Variants in CCDC66 observed in about 807,000 individuals in gnomAD.
The protein encoded by CCDC66 is coiled-coil domain-containing protein 66.
A neutral mutation model predicts 128.3 loss-of-function variants in CCDC66; 133 were observed. The ratio of observed to expected loss-of-function variants is 1.04; its 90% confidence interval spans 0.90 to 1.20. The LOEUF is 1.20. Ranked by LOEUF, CCDC66 falls within the 50% of genes most tolerant of loss-of-function variation. The pLI is 0.00. For missense variants in CCDC66, 1,126 were observed against 1,075.5 expected (o/e 1.05, Z -0.66); for synonymous variants, 387 against 357.0 (o/e 1.08, Z -0.95).
At chr3:56,570,160 C>T (rs1038937468) in intron 6 of CCDC66, 8 of 152,222 alleles carry the variant, frequency 5.3e-5, no homozygotes, top group Non-Finnish European at 1.2e-4. Context: ...TTTTAAAAAT[C>T]AGTTTACTGT....
intron 15 of CCDC66, 109 bp from the exon 16 acceptor site, chr3:56,619,162 C>T: frequency 2.1e-6 from 2 of 953,976 alleles, no homozygotes. Flanking sequence ...CCACTGCACT[C>T]CAGCCTGGGC....
At position 56,618,189 on chromosome 3, in the gene CCDC66, TATTC is replaced by T. The variant is rs1431003773; in HGVS notation, c.2365_2368del (p.Phe789AlafsTer12). 1.6e-5 allele frequency: 26 copies of T among 1,612,878 alleles called. No individual in the cohort carries two copies. Among genetic ancestry groups the T allele is most frequent in the South Asian group, 6.6e-5 (6 of 91,068 alleles). On this transcript the variant is annotated frameshift_variant, in exon 15 of 18. Transcript: ENST00000394672. LOFTEE classifies it high-confidence loss of function. The stretch of plus-strand genomic sequence containing the variant: ...TATTTTAGGAAGAAGAGCCTCTGAA[TATTC>T]ATTCATTCAGCAAGGAAAGGTAAGT...
intron 10 of CCDC66, among the ~76,000 whole-genome samples, chr3:56,611,501 C>T (rs1225917469): frequency 2.0e-5 from 3 of 151,216 alleles, no homozygotes; most frequent in African/African-American, 2.4e-5. Context: ...TCCCCAGCTG[C>T]GAAAGAAAAC....
intron 12 of CCDC66, 103 bp downstream of exon 12, chr3:56,615,375 G>T: frequency 8.6e-7 from 1 of 1,164,342 alleles, no homozygotes; most frequent in Non-Finnish European, 1.2e-6. Flanking sequence ...CTGTTGCACA[G>T]GCTAGAGTGC....
rs146892187 is a variant in CCDC66 at position 56,621,592 on chromosome 3, G to C, written c.2821G>C (p.Glu941Gln). 1.4e-5 allele frequency: 23 copies of C among 1,598,968 alleles called. No individual in the cohort carries two copies. In the East Asian group the frequency reaches 4.5e-4, roughly 31 times the overall value. Residue 941 changes from glutamate (E) to glutamine (Q), a missense_variant, in exon 18 of 18, where the codon GAA (glutamate) becomes CAA (glutamine). Transcript: ENST00000394672. The stretch of plus-strand genomic sequence containing the variant: ...TCTCCTGCCTTTAGCTGAAAATCAA[G>C]AAGAGAGTTTTGGTTCTTCATTTTA... ...SSLLPLAENQ[E>Q]ESFGSSF
intron 15 of CCDC66, chr3:56,618,679 A>G (rs1320727081): frequency 6.1e-6 from 1 of 163,392 alleles, no homozygotes; most frequent in East Asian, 1.8e-4. Context: ...TTTCATTCAA[A>G]TGGTGAGTAC....
chr3:56,571,308 A>T lies in CCDC66; in HGVS notation c.936+6A>T. ...AAATTCTTGACCAATCTAGGGTAAG[A>T]CATCTTAATTGCAATTTTTAAAATA... On this transcript the variant is annotated splice_donor_region_variant and intron_variant, in intron 7 of 17. Transcript: ENST00000394672. The T allele has an allele frequency of 6.7e-7, 1 of 1,484,016 alleles. No individual in the cohort carries two copies. Among genetic ancestry groups the T allele is most frequent in the Non-Finnish European group, 9.2e-7 (1 of 1,087,128 alleles). The allele number at this position is 1,484,016 out of a possible 1,614,324, so 91.9% of individuals were successfully genotyped here. A position where few individuals can be genotyped will look rare whatever the true frequency, so the allele number is the denominator to read the frequency against.
intron 7 of CCDC66, among the ~76,000 whole-genome samples, chr3:56,587,359 G>GGTTTAATAGGCTTATAAT (rs1345806409): frequency 6.6e-6 from 1 of 151,874 alleles, no homozygotes; most frequent in African/African-American, 2.4e-5. Context: ...AATTTATAAA[G>GGTTTAATAGGCTTATAAT]AGGTTTAATA....
intron 10 of CCDC66, among the ~76,000 whole-genome samples, chr3:56,612,722 T>C (rs1236794475): frequency 6.6e-6 from 1 of 152,010 alleles, no homozygotes; most frequent in African/African-American, 2.4e-5. Context: ...CCAGCTGTGA[T>C]GGTAATGGCA....
At chr3:56,590,489 A>T (rs2070679810) in intron 7 of CCDC66, among the ~76,000 whole-genome samples, 1 of 152,142 alleles carries the variant, frequency 6.6e-6, no homozygotes, top group Non-Finnish European at 1.5e-5. Context: ...CTGTCATGTG[A>T]GAATAGGCCA....
intron 10 of CCDC66, among the ~76,000 whole-genome samples, chr3:56,598,147 T>G (rs1296104672): frequency 8.6e-5 from 2 of 23,222 alleles, no homozygotes; most frequent in Non-Finnish European, 4.4e-4. Context: ...TTGTTTTGTT[T>G]TGTTTTGTTT....
chr3:56,597,805 C>A (rs143949226), intron 10 of CCDC66, among the ~76,000 whole-genome samples: 1 of 38,142 alleles, frequency 2.6e-5, no homozygotes, highest in African/African-American at 6.9e-5. Flanking sequence ...GACAGAGCCT[C>A]GCTCTGTTGC....
chr3:56,569,877 C>A (rs529971708), intron 6 of CCDC66: 1 of 152,186 alleles, frequency 6.6e-6, no homozygotes, highest in African/African-American at 2.4e-5. Flanking sequence ...TCTTGTTGCC[C>A]AAGCTGGAGT....
In CCDC66 at chr3:56,616,071, G is replaced by T; in HGVS notation, c.1843+18G>T. 1 of 1,571,600 alleles carries T rather than the reference G, an allele frequency of 6.4e-7. No individual in the cohort carries two copies. Among genetic ancestry groups the T allele is most frequent in the Non-Finnish European group, 8.6e-7 (1 of 1,163,124 alleles). On this transcript the variant is annotated intron_variant, in intron 13 of 17. Transcript: ENST00000394672. ...GCAAACAGGTATTTGTGTGGAAATT[G>T]TGGTTTGGTTTAAAATTTACTTAAA...
At chr3:56,614,947 A>G (rs1421296026) in intron 11 of CCDC66, among the ~76,000 whole-genome samples, 181 bp from the exon 12 acceptor site, 1 of 152,232 alleles carries the variant, frequency 6.6e-6, no homozygotes, top group Non-Finnish European at 1.5e-5. Context: ...ACAGCTGTAG[A>G]AAAAGATGTT....
intron 3 of CCDC66, chr3:56,561,343 C>G: frequency 2.2e-6 from 1 of 448,584 alleles, no homozygotes; most frequent in South Asian, 1.6e-5. Context: ...CCTTTATAGG[C>G]CTATAATAAA....
At chr3:56,614,789 A>G (rs1157075184) in intron 11 of CCDC66, among the ~76,000 whole-genome samples, 4 of 152,236 alleles carry the variant, frequency 2.6e-5, no homozygotes, top group Non-Finnish European at 5.9e-5. Context: ...GGAAATCAGT[A>G]AAGTATCATT....
chr3:56,596,050 T>C (rs900174108), intron 10 of CCDC66, among the ~76,000 whole-genome samples: 4 of 152,160 alleles, frequency 2.6e-5, no homozygotes, highest in African/African-American at 7.2e-5. Context: ...CAGTAGCTGA[T>C]ATTACAAGCA....
At chr3:56,563,576 AG>A in intron 3 of CCDC66, 107 bp from the exon 4 acceptor site, 1 of 814,572 alleles carries the variant, frequency 1.2e-6, no homozygotes, top group Non-Finnish European at 1.9e-6. Context: ...TTACCTAAAT[AG>A]CAAAATGGAA....
Sources: gnomAD v4.1 joint callset for allele counts (sites outside exome capture counted in the v4.1 genomes callset) on GRCh38, gnomAD v4.1.1 for gene constraint, MANE v1.5 for transcripts, NCBI Gene and HGNC (gene_info 2026-07-23, HGNC 2026-07-21) for gene names.